Variants in KCNS3 observed in about 807,000 individuals in gnomAD.
KCNS3 encodes delayed-rectifier potassium channel regulatory subunit KCNS3.
KCNS3 carries 13 observed loss-of-function variants against 31.0 expected under a neutral mutation model. The ratio of observed to expected loss-of-function variants is 0.42; its 90% CI spans 0.27 to 0.67. The LOEUF is 0.67. Ranked by LOEUF, KCNS3 falls within the 30% of genes least tolerant of loss-of-function variation. The probability of loss-of-function intolerance (pLI) is 0.25; values close to 1 mark genes in which losing one functional copy is unlikely to be tolerated. For synonymous variants in KCNS3, 238 were observed against 241.5 expected (o/e 0.99, Z 0.13); for missense variants, 545 against 622.4 (o/e 0.88, Z 1.32).
At chr2:17,886,682 G>GTCCA (rs61140648) in intron 1 of KCNS3, among the ~76,000 whole-genome samples, 24,425 of 149,990 alleles carry the variant, frequency 0.16, 2,402 homozygotes, top group African/African-American at 0.27. Context: ...CCATCCGTCC[G>GTCCA]TCCATCCATC....
rs1572506623 is a variant in KCNS3, at chr2:17,931,308, C to G, written c.300C>G (p.Cys100Trp). ...VMEELCVFSF[C>W]QEIEYWGINE... is the part of the protein sequence containing the mutation. ...AGGAGCTGTGCGTATTCTCATTCTG[C>G]CAGGAGATCGAGTACTGGGGCATCA... Residue 100 changes from cysteine (C) to tryptophan (W), a missense_variant, in exon 3 of 3, where the codon TGC (cysteine) becomes TGG (tryptophan). Physicochemically the swap from Cys to Trp is radical, Grantham distance 215 (BLOSUM62 -2). Coordinates refer to ENST00000304101, the MANE Select transcript of KCNS3 (RefSeq NM_002252.5). This position sits in a 1 kb window ranked among gnomAD's most constrained non-coding sequence, Gnocchi z 5.4. The G allele has an allele frequency of 6.2e-7, 1 of 1,614,134 alleles. No homozygotes were observed.
chr2:17,893,333 A>G (rs1661903423), intron 1 of KCNS3, among the ~76,000 whole-genome samples: 1 of 152,172 alleles, frequency 6.6e-6, no homozygotes, highest in Admixed American at 6.5e-5. Flanking sequence ...AACTTGCCCG[A>G]GGCCATCTGC....
upstream of KCNS3, among the ~76,000 whole-genome samples, chr2:17,878,512 G>A (rs1215953772): frequency 6.6e-6 from 1 of 151,372 alleles, no homozygotes; most frequent in Non-Finnish European, 1.5e-5. Context: ...CGCGCCCTCG[G>A]CCCGGGGCGC....
chr2:17,924,158 T>A (rs1662782571), intron 2 of KCNS3, among the ~76,000 whole-genome samples: 1 of 151,990 alleles, frequency 6.6e-6, no homozygotes, highest in Non-Finnish European at 1.5e-5. Flanking sequence ...TTCATATTTG[T>A]ATTATTGCTA....
chr2:17,932,531 T>G lies in KCNS3; in HGVS notation c.*47T>G. 2 of 1,551,272 alleles carry G rather than the reference T, an allele frequency of 1.3e-6. No individual in the cohort carries two copies. On this transcript the variant is annotated 3_prime_UTR_variant, in exon 3 of 3. Coordinates refer to ENST00000304101, the MANE Select transcript of KCNS3 (RefSeq NM_002252.5). The stretch of plus-strand genomic sequence containing the variant: ...TCTCTTATCCTTTCCCGACATTAGG[T>G]TAACACAGCTTTATAAACCTCAGTG...
intron 1 of KCNS3, among the ~76,000 whole-genome samples, chr2:17,903,485 C>G (rs1205481932): frequency 6.6e-6 from 1 of 151,834 alleles, no homozygotes; most frequent in African/African-American, 2.4e-5. Flanking sequence ...ACTTTAAGTT[C>G]TAGGGTACAT....
At chr2:17,903,389 A>T (rs1002648541) in intron 1 of KCNS3, among the ~76,000 whole-genome samples, 10 of 152,248 alleles carry the variant, frequency 6.6e-5, no homozygotes, top group African/African-American at 2.4e-4. Flanking sequence ...GAGAGTGATA[A>T]ATGCTGTGGA....
chr2:17,903,989 G>C (rs1662250814), intron 1 of KCNS3, among the ~76,000 whole-genome samples: 1 of 152,008 alleles, frequency 6.6e-6, no homozygotes, highest in East Asian at 1.9e-4. Flanking sequence ...GGGATGGCTG[G>C]GTCAAATGGT....
chr2:17,898,429 C>A (rs1662083091), intron 1 of KCNS3, among the ~76,000 whole-genome samples: 1 of 152,056 alleles, frequency 6.6e-6, no homozygotes, highest in African/African-American at 2.4e-5. Context: ...ATTGATTATT[C>A]CTGTAATTTC....
chr2:17,929,963 A>G (rs1316044876), intron 2 of KCNS3, among the ~76,000 whole-genome samples: 1 of 152,222 alleles, frequency 6.6e-6, no homozygotes, highest in African/African-American at 2.4e-5. Flanking sequence ...GGGACTCAGT[A>G]TATGACAGTC....
Position 17,899,109 on chromosome 2 carries a change from C to T in KCNS3, c.-251-18571C>T, listed in dbSNP as rs1572485642. Among the ~76,000 whole-genome samples the T allele has an allele frequency of 2.0e-5, 3 of 151,992 alleles. No homozygotes were observed. In the East Asian group the frequency reaches 5.8e-4, roughly 29 times the overall value. On this transcript the variant is annotated intron_variant, in intron 1 of 2. Coordinates refer to ENST00000304101, the MANE Select transcript of KCNS3 (RefSeq NM_002252.5). Reference sequence around the variant, plus strand: ...GGTGTGATGGAGCACACCTGTATTCCCAGCTGCTCAGGAGGCTGAGGCAGG... The same window carrying T: ...GGTGTGATGGAGCACACCTGTATTCTCAGCTGCTCAGGAGGCTGAGGCAGG...
chr2:17,909,971 C>G (rs774469396), intron 1 of KCNS3, among the ~76,000 whole-genome samples: 1 of 152,218 alleles, frequency 6.6e-6, no homozygotes, highest in Non-Finnish European at 1.5e-5. Flanking sequence ...AACAGGATCT[C>G]TAGCTAAAGG....
At chr2:17,929,995 T>C (rs1662919808) in intron 2 of KCNS3, among the ~76,000 whole-genome samples, 1 of 152,186 alleles carries the variant, frequency 6.6e-6, no homozygotes, top group Non-Finnish European at 1.5e-5. Flanking sequence ...GTATCATCTG[T>C]TCTGAGGAAA....
intron 1 of KCNS3, among the ~76,000 whole-genome samples, chr2:17,916,359 A>AGGAGGAGGAGGAAGG (rs1166143962): frequency 1.3e-5 from 2 of 151,870 alleles, no homozygotes; most frequent in South Asian, 2.1e-4. Flanking sequence ...GGGAGAAAGA[A>AGGAGGAGGAGGAAGG]GGAGGAGGAG....
rs550341475 is a variant in KCNS3, at chr2:17,897,508, A to G, written c.-252+18702A>G. 1.5e-4 allele frequency among the ~76,000 whole-genome samples: 23 copies of G among 152,360 alleles called. No individual in the cohort carries two copies. The South Asian group carries it at 4.8e-3, about 32-fold the overall frequency. ...TGAACTAACTTAAATTCCCAGCAAC[A>G]GTGTGTACTCAGCAACCTTGCCAGC... On this transcript the variant is annotated intron_variant, in intron 1 of 2. Coordinates refer to ENST00000304101, the MANE Select transcript of KCNS3 (RefSeq NM_002252.5).
intron 1 of KCNS3, among the ~76,000 whole-genome samples, chr2:17,910,951 A>G (rs1291921942): frequency 6.6e-6 from 1 of 152,204 alleles, no homozygotes; most frequent in Admixed American, 6.5e-5. Flanking sequence ...CTCTCTGTCC[A>G]TACCACGAGC....
chr2:17,897,314 A>G (rs1414759212), intron 1 of KCNS3, among the ~76,000 whole-genome samples: 1 of 152,204 alleles, frequency 6.6e-6, no homozygotes, highest in Non-Finnish European at 1.5e-5. Flanking sequence ...AACTAGGTTG[A>G]TTCCATGTCT....
chr2:17,900,753 G>C (rs1010593673), intron 1 of KCNS3, among the ~76,000 whole-genome samples: 4 of 152,116 alleles, frequency 2.6e-5, no homozygotes, highest in Non-Finnish European at 5.9e-5. Context: ...GCCTCCTAAA[G>C]TGCTGGGATT....
At chr2:17,887,849 T>C (rs1457629995) in intron 1 of KCNS3, among the ~76,000 whole-genome samples, 1 of 152,200 alleles carries the variant, frequency 6.6e-6, no homozygotes, top group Non-Finnish European at 1.5e-5. Context: ...GTTTTTTGAT[T>C]TTTTTATTAT....
Sources: gnomAD v4.1 joint callset for allele counts (sites outside exome capture counted in the v4.1 genomes callset) on GRCh38, gnomAD v4.1.1 for gene constraint, Gnocchi (gnomAD v3.1) non-coding constraint, MANE v1.5 for transcripts, NCBI Gene and HGNC (gene_info 2026-07-23, HGNC 2026-07-21) for gene names.